The following DRC8 variants were observed in gnomAD, a reference collection of about 807,000 sequenced individuals.
DRC8 encodes dynein regulatory complex protein 8.
the DRC8 span, among the ~76,000 whole-genome samples, chr1:245,027,830 G>T: frequency 6.8e-6 from 1 of 147,324 alleles, no homozygotes; most frequent in South Asian, 2.1e-4. Context: ...CTCCATCCTT[G>T]AATTCTTTGA....
chr1:245,017,818 G>T, the DRC8 span, among the ~76,000 whole-genome samples: 1 of 152,148 alleles, frequency 6.6e-6, no homozygotes, highest in African/African-American at 2.4e-5. Flanking sequence ...ATGAATACTG[G>T]TAGGTCTGAA....
At chr1:244,998,500 T>C in the DRC8 span, among the ~76,000 whole-genome samples, 1 of 152,218 alleles carries the variant, frequency 6.6e-6, no homozygotes, top group Non-Finnish European at 1.5e-5. Context: ...CGTGAGCCAC[T>C]GCGCCCAGCT....
the DRC8 span, among the ~76,000 whole-genome samples, chr1:245,116,987 A>G: frequency 6.6e-6 from 1 of 152,234 alleles, no homozygotes; most frequent in Non-Finnish European, 1.5e-5. Context: ...TTTCACCAAT[A>G]CTGGGAAGCT....
chr1:245,031,152 G>A, the DRC8 span, among the ~76,000 whole-genome samples: 2 of 151,906 alleles, frequency 1.3e-5, no homozygotes, highest in Non-Finnish European at 2.9e-5. Context: ...CAGTTTCTAG[G>A]CCAACAGTTG....
the DRC8 span, among the ~76,000 whole-genome samples, chr1:245,053,658 A>T: frequency 1.3e-5 from 2 of 152,052 alleles, no homozygotes; most frequent in Admixed American, 6.6e-5. Flanking sequence ...TTTTTTTCTT[A>T]TATCATCAGG....
At chr1:245,030,525 G>C in the DRC8 span, 3 of 152,214 alleles carry the variant, frequency 2.0e-5, no homozygotes, top group Non-Finnish European at 2.9e-5. Context: ...CAGTGTACTG[G>C]AAGGACATTT....
the DRC8 span, chr1:244,969,941 GC>G: frequency 4.0e-6 from 2 of 494,952 alleles, no homozygotes; most frequent in South Asian, 6.4e-5. Context: ...CCCCTTGGGA[GC>G]CCAGCTCTTC....
the DRC8 span, among the ~76,000 whole-genome samples, chr1:245,081,509 C>T: frequency 6.6e-6 from 1 of 151,882 alleles, no homozygotes; most frequent in Admixed American, 6.6e-5. Context: ...CGCTCTGTTG[C>T]CCATACTGGA....
chr1:245,042,663 C>G, the DRC8 span, among the ~76,000 whole-genome samples: 3 of 152,190 alleles, frequency 2.0e-5, no homozygotes, highest in Non-Finnish European at 4.4e-5. Flanking sequence ...TTTTGGATTG[C>G]TTTAAATGTT....
the DRC8 span, among the ~76,000 whole-genome samples, chr1:245,117,527 G>A: frequency 2.0e-5 from 3 of 151,900 alleles, no homozygotes; most frequent in African/African-American, 7.3e-5. Context: ...AGGTTCAAGC[G>A]ATTCTCTTTC....
the DRC8 span, among the ~76,000 whole-genome samples, chr1:245,045,817 A>G: frequency 6.6e-6 from 1 of 152,208 alleles, no homozygotes; most frequent in African/African-American, 2.4e-5. Flanking sequence ...GCCGGAGTGA[A>G]CAAAGATGCA....
At chr1:245,097,243 G>A in the DRC8 span, among the ~76,000 whole-genome samples, 3 of 152,212 alleles carry the variant, frequency 2.0e-5, no homozygotes, top group East Asian at 3.9e-4. This position sits in a 1 kb window ranked among gnomAD's most constrained non-coding sequence, Gnocchi z 5.0. Context: ...TAAACTGGTC[G>A]GGTGTGGTGG....
the DRC8 span, among the ~76,000 whole-genome samples, chr1:245,020,994 G>C: frequency 6.6e-6 from 1 of 152,102 alleles, no homozygotes; most frequent in East Asian, 1.9e-4. Flanking sequence ...CGCAGAACTA[G>C]ATATGAGAAT....
chr1:245,082,815 C>T, the DRC8 span, among the ~76,000 whole-genome samples: 2 of 152,126 alleles, frequency 1.3e-5, no homozygotes, highest in African/African-American at 4.8e-5. Context: ...AGCAATTCTC[C>T]TGCCTCAGCC....
At chr1:245,075,276 C>T in the DRC8 span, among the ~76,000 whole-genome samples, 1 of 152,220 alleles carries the variant, frequency 6.6e-6, no homozygotes, top group Non-Finnish European at 1.5e-5. Context: ...CAGATAGGCA[C>T]TTAACCTCTC....
the DRC8 span, among the ~76,000 whole-genome samples, chr1:244,993,360 G>C: frequency 1.3e-5 from 2 of 152,120 alleles, no homozygotes; most frequent in East Asian, 3.9e-4. Flanking sequence ...TGGGCCTTCC[G>C]TCCCATTACA....
chr1:245,022,302 T>A, the DRC8 span, among the ~76,000 whole-genome samples: 1 of 151,570 alleles, frequency 6.6e-6, no homozygotes, highest in Non-Finnish European at 1.5e-5. Flanking sequence ...TACAGGTGTG[T>A]GCCACCACCC....
the DRC8 span, among the ~76,000 whole-genome samples, chr1:245,102,454 A>G: frequency 6.6e-6 from 1 of 152,136 alleles, no homozygotes; most frequent in African/African-American, 2.4e-5. Context: ...GGTTCAAGCG[A>G]TCCTCCTGCC....
chr1:245,086,260 G>A, the DRC8 span, among the ~76,000 whole-genome samples: 1 of 152,206 alleles, frequency 6.6e-6, no homozygotes, highest in African/African-American at 2.4e-5. Flanking sequence ...TATGTAAGAT[G>A]TAAATCTATA....
Sources: gnomAD v4.1 joint callset for allele counts (sites outside exome capture counted in the v4.1 genomes callset) on GRCh38, gnomAD v4.1.1 for gene constraint, Gnocchi (gnomAD v3.1) non-coding constraint, MANE v1.5 for transcripts, NCBI Gene and HGNC (gene_info 2026-07-23, HGNC 2026-07-21) for gene names.